Variants in EIF4B observed in about 807,000 individuals in gnomAD.
EIF4B encodes the protein eukaryotic translation initiation factor 4B.
EIF4B carries 8 observed loss-of-function variants against 79.3 expected under a neutral mutation model. The ratio of observed to expected loss-of-function variants is 0.10; its 90% CI spans 0.06 to 0.18. The LOEUF (loss-of-function observed/expected upper bound fraction) is 0.18. Among genes scored for constraint, EIF4B ranks in the 10% least tolerant of loss-of-function variants. The pLI is 1.00. For missense variants in EIF4B, 515 were observed against 792.4 expected, an observed-to-expected ratio of 0.65 and a Z score of 4.20; for synonymous variants, 238 against 274.7, an observed-to-expected ratio of 0.87 and a Z score of 1.32.
At position 53,041,183 on chromosome 12, in the gene EIF4B, C is replaced by T. The variant is rs557753374; in HGVS notation, c.*960C>T. 2 of 152,310 alleles carry T rather than the reference C, an allele frequency of 1.3e-5. No individual in the cohort carries two copies. The highest frequency in any genetic ancestry group is 1.5e-5 in the Non-Finnish European group (1 of 68,030). 9.4% of individuals were successfully genotyped at this position (152,310 alleles called of 1,614,324 possible). A position where few individuals can be genotyped will look rare whatever the true frequency, so the allele number is the denominator to read the frequency against. ...ACCTCCCAAAAAGCAGTATCTAAGT[C>T]ACATACATGATGTCTTGGGCATTTT... is the stretch of plus-strand genomic sequence containing the variant. On this transcript the variant is annotated 3_prime_UTR_variant, in exon 15 of 15. Transcript: ENST00000262056.
intron 1 of EIF4B, 115 bp downstream of exon 1, chr12:53,006,611 G>C: frequency 1.1e-5 from 17 of 1,574,904 alleles, no homozygotes; most frequent in Non-Finnish European, 1.5e-5. Context: ...TCTGAATTGA[G>C]GGCTGCGGCA....
intron 6 of EIF4B, among the ~76,000 whole-genome samples, chr12:53,024,722 T>C (rs1205965376): frequency 6.6e-6 from 1 of 152,236 alleles, no homozygotes; most frequent in Non-Finnish European, 1.5e-5. Context: ...AGTGGCAATC[T>C]TGGCTCACTG....
intron 1 of EIF4B, among the ~76,000 whole-genome samples, chr12:53,007,279 A>G (rs563389993): frequency 3.8e-4 from 58 of 152,140 alleles, no homozygotes; most frequent in Non-Finnish European, 5.0e-4. Context: ...ACCGGTGTGC[A>G]CCTAGATTTC....
intron 1 of EIF4B, among the ~76,000 whole-genome samples, chr12:53,015,543 C>T (rs1049739694): frequency 6.6e-6 from 1 of 151,590 alleles, no homozygotes; most frequent in Non-Finnish European, 1.5e-5. Flanking sequence ...ATCAGCTGGG[C>T]GTGGTAGTGT....
intron 12 of EIF4B, 100 bp downstream of exon 12, chr12:53,038,511 C>T: frequency 2.4e-6 from 3 of 1,225,454 alleles, no homozygotes; most frequent in Non-Finnish European, 3.4e-6. Flanking sequence ...GCACCTGATA[C>T]CGTGTTAAGA....
At chr12:53,027,945 T>C (rs574535999) in intron 7 of EIF4B, 26 bp downstream of exon 7, 1 of 1,591,550 alleles carries the variant, frequency 6.3e-7, no homozygotes, top group East Asian at 2.3e-5. Flanking sequence ...GTCGAATTGC[T>C]CTTTCAGTAA....
rs1268249958 is a variant in EIF4B at position 53,018,856 on chromosome 12, T to A, written c.210T>A (p.Arg70=). The A allele has an allele frequency of 6.2e-7, 1 of 1,613,724 alleles. No homozygotes were observed. Among genetic ancestry groups the A allele is most frequent in the Non-Finnish European group, 8.5e-7 (1 of 1,179,864 alleles). The change falls in exon 3 of 15, where the codon CGT becomes CGA. Residue 70 remains arginine (R), a synonymous_variant. Transcript: ENST00000262056. The part of the protein sequence containing the change: ...DDVYRAPPID[R]SILPTAPRAA... The stretch of plus-strand genomic sequence containing the variant: ...TGTATAGGGCGCCTCCAATTGACCG[T>A]TCCATCCTTCCCACTGCTCCACGGG...
rs1174107362 is a variant in EIF4B, at chr12:53,019,433, ATATAT to A, written c.360+429_360+433del. ...AAAATAAAATCAAAATTATATATAT[ATATAT>A]TTTTTTTTTTTCTTTTTTTTTTTTT... On this transcript the variant is annotated intron_variant, in intron 3 of 14. Transcript: ENST00000262056. 6.1e-3 allele frequency among the ~76,000 whole-genome samples: 201 copies of A among 32,898 alleles called. 2 individuals carry two copies. Among genetic ancestry groups the A allele is most frequent in the Admixed American group, 8.6e-3 (15 of 1,740 alleles). The allele number at this position is 32,898 out of a possible 152,430, so 21.6% of individuals were successfully genotyped here. A position where few individuals can be genotyped will look rare whatever the true frequency, so the allele number is the denominator to read the frequency against.
At chr12:53,025,526 A>G (rs1305258472) in intron 6 of EIF4B, among the ~76,000 whole-genome samples, 2 of 152,316 alleles carry the variant, frequency 1.3e-5, no homozygotes, top group East Asian at 1.9e-4. Context: ...TTTCTCCAGC[A>G]TGGATCTATG....
intron 3 of EIF4B, 41 bp downstream of exon 3, chr12:53,019,047 T>C: frequency 3.1e-6 from 5 of 1,591,464 alleles, no homozygotes; most frequent in Non-Finnish European, 4.3e-6. Context: ...ATATTGAGGA[T>C]AATGTCTAAA....
chr12:53,039,146 G>C (rs1356639086), intron 12 of EIF4B, 92 bp from the exon 13 acceptor site: 2 of 918,080 alleles, frequency 2.2e-6, no homozygotes, highest in East Asian at 5.3e-5. Flanking sequence ...AGTACATGTG[G>C]GCACAATTTT....
At chr12:53,038,461 A>G in intron 12 of EIF4B, 50 bp downstream of exon 12, 1 of 1,514,972 alleles carries the variant, frequency 6.6e-7, no homozygotes, top group Non-Finnish European at 8.9e-7. Flanking sequence ...GCCTAAATAA[A>G]AAGGCCTCCA....
intron 10 of EIF4B, among the ~76,000 whole-genome samples, chr12:53,035,799 T>C (rs950481340): frequency 2.0e-5 from 3 of 151,874 alleles, no homozygotes; most frequent in African/African-American, 7.3e-5. Context: ...ACCTCTAAAT[T>C]GATTTGTACT....
Position 53,019,025 on chromosome 12 carries a change from A to G in EIF4B, c.360+19A>G. ...ATTAAATGTAAGTGTAAAAGTTGTAATAATTAACTAGATATTGAGGATAAT... is the reference window on the plus strand; with the variant it reads ...ATTAAATGTAAGTGTAAAAGTTGTAGTAATTAACTAGATATTGAGGATAAT... On this transcript the variant is annotated intron_variant, in intron 3 of 14. Coordinates refer to ENST00000262056, the MANE Select transcript of EIF4B (RefSeq NM_001417.7). 1 of 1,610,352 alleles carries G rather than the reference A, an allele frequency of 6.2e-7. No individual in the cohort carries two copies. The highest frequency in any genetic ancestry group is 1.1e-5 in the South Asian group (1 of 90,772).
intron 2 of EIF4B, among the ~76,000 whole-genome samples, chr12:53,017,312 A>G (rs544866224): frequency 2.6e-5 from 4 of 152,200 alleles, no homozygotes; most frequent in Non-Finnish European, 4.4e-5. Flanking sequence ...CTCAGAGCCA[A>G]GGAATAATTA....
intron 14 of EIF4B, 177 bp from the exon 15 acceptor site, chr12:53,039,966 C>T (rs1033036666): frequency 3.2e-5 from 23 of 728,476 alleles, no homozygotes; most frequent in African/African-American, 2.3e-4. Context: ...ATAGTAAGAT[C>T]GCATGTGCCT....
chr12:53,021,421 C>G (rs1943245454), intron 4 of EIF4B, among the ~76,000 whole-genome samples: 1 of 152,240 alleles, frequency 6.6e-6, no homozygotes, highest in Non-Finnish European at 1.5e-5. Flanking sequence ...GTACATGCCA[C>G]TGCACCTGGC....
intron 1 of EIF4B, chr12:53,013,783 T>TA (rs770937029): frequency 0.022 from 2,853 of 128,028 alleles, 82 homozygotes; most frequent in East Asian, 0.16. Flanking sequence ...AGACTCCCTC[T>TA]AAAAAAAAAA....
At chr12:53,022,443 G>T (rs116754163) in intron 5 of EIF4B, 50 bp from the exon 6 acceptor site, 3 of 1,602,638 alleles carry the variant, frequency 1.9e-6, no homozygotes, top group Non-Finnish European at 2.6e-6. Context: ...GAAATATTGG[G>T]CAAAGTTTTT....
Sources: gnomAD v4.1 joint callset for allele counts (sites outside exome capture counted in the v4.1 genomes callset) on GRCh38, gnomAD v4.1.1 for gene constraint, MANE v1.5 for transcripts, NCBI Gene and HGNC (gene_info 2026-07-23, HGNC 2026-07-21) for gene names.